EFHB: variants seen among roughly 807,000 people sequenced by gnomAD.
EFHB encodes the protein EF-hand domain family member B, also known as EF-hand domain-containing family member B.
In EFHB, 91 loss-of-function variants were observed where a neutral mutation model predicts 87.2. The ratio of observed to expected loss-of-function variants is 1.04; its 90% CI spans 0.88 to 1.24. The LOEUF (loss-of-function observed/expected upper bound fraction) is 1.24. EFHB is among the 50% of genes most tolerant of loss of function. EFHB has a pLI of 0.00. For synonymous variants in EFHB, 325 were observed against 333.6 expected, an observed-to-expected ratio of 0.97 and a Z score of 0.28; for missense variants, 1,084 against 998.8, an observed-to-expected ratio of 1.09 and a Z score of -1.15.
At chr3:19,905,244 G>A (rs1277252972) in intron 6 of EFHB, among the ~76,000 whole-genome samples, 1 of 152,058 alleles carries the variant, frequency 6.6e-6, no homozygotes. Flanking sequence ...AGAGCAAGAT[G>A]CTGTCTCAAT....
chr3:19,911,672 G>A (rs942144948), intron 5 of EFHB, among the ~76,000 whole-genome samples: 2 of 152,016 alleles, frequency 1.3e-5, no homozygotes, highest in African/African-American at 4.8e-5. Context: ...CTCAACAGCA[G>A]AATTGATCAA....
At chr3:19,940,892 G>C in intron 1 of EFHB, 1 of 348,784 alleles carries the variant, frequency 2.9e-6, no homozygotes, top group South Asian at 2.9e-5. Context: ...TGTCAGAGTA[G>C]GTAGTGAAGG....
In EFHB at chr3:19,895,480, CAA is replaced by C. The variant is rs746098754; in HGVS notation, c.1725+1205_1725+1206del. 4.6e-4 allele frequency among the ~76,000 whole-genome samples: 46 copies of C among 99,624 alleles called. No homozygotes were observed. In the South Asian group the frequency reaches 7.5e-3, roughly 16 times the overall value. 65.4% of individuals were successfully genotyped at this position (99,624 alleles called of 152,430 possible). On this transcript the variant is annotated intron_variant, in intron 9 of 12. Transcript: ENST00000295824. ...TGGGCGACAGAGCGAGACTCGGTCT[CAA>C]AAAAAAAAAAAAGGAATATGCCTGG...
chr3:19,923,904 A>G (rs1695524721), intron 1 of EFHB, among the ~76,000 whole-genome samples: 1 of 152,228 alleles, frequency 6.6e-6, no homozygotes, highest in African/African-American at 2.4e-5. Flanking sequence ...ATGATAATCT[A>G]AATAAAATTT....
At position 19,933,467 on chromosome 3, in the gene EFHB, T is replaced by G; in HGVS notation, c.552A>C (p.Thr184=). 1 of 1,614,018 alleles carries G rather than the reference T, an allele frequency of 6.2e-7. No homozygotes were observed. Among genetic ancestry groups the G allele is most frequent in the Non-Finnish European group, 8.5e-7 (1 of 1,179,890 alleles). ...CCACCTCCACAGGAAGCTTAATCTC[T>G]GTGTTGGGTTTCATTAAAACACAGG... is the stretch of plus-strand genomic sequence containing the variant. ...ESTCVLMKPN[T]EIKLPVEVDI... is the part of the protein sequence containing the mutation. The change falls in exon 1 of 13, where the codon ACA becomes ACC. Residue 184 remains threonine (T), a synonymous_variant. Coordinates refer to ENST00000295824, the MANE Select transcript of EFHB (RefSeq NM_144715.4).
At chr3:19,916,860 A>G (rs1695250614) in intron 4 of EFHB, among the ~76,000 whole-genome samples, 1 of 152,260 alleles carries the variant, frequency 6.6e-6, no homozygotes, top group Non-Finnish European at 1.5e-5. Flanking sequence ...TAAGAATACC[A>G]GAAGATGATT....
chr3:19,897,105 G>A (rs773403627), intron 8 of EFHB, among the ~76,000 whole-genome samples: 4 of 152,112 alleles, frequency 2.6e-5, no homozygotes, highest in Admixed American at 6.5e-5. Flanking sequence ...ATCACCAACC[G>A]CACTCAACTG....
At chr3:19,934,299 TTCTCTCTCTCTCTCTCAA>T (rs552889117), upstream of EFHB, 1,332 of 1,303,196 alleles carry the variant, frequency 1.0e-3, 13 homozygotes, top group Middle Eastern at 9.3e-3. Flanking sequence ...TCTCTCATTC[TTCTCTCTCTCTCTCTCAA>T]TCTCTCTCTC....
chr3:19,900,625 G>C (rs1363964287), intron 6 of EFHB, among the ~76,000 whole-genome samples: 1 of 152,088 alleles, frequency 6.6e-6, no homozygotes, highest in Non-Finnish European at 1.5e-5. Flanking sequence ...AATCCAGATA[G>C]CAATTAAAAA....
In EFHB at chr3:19,882,633, C is replaced by A. The variant is rs77682281; in HGVS notation, c.2245G>T (p.Ala749Ser). ...ATGGTAGGATATAGTAGTGAATATG[C>A]ACTACCTTCTTCACCATAATTAGTT... is the stretch of plus-strand genomic sequence containing the variant. ...DRTNYGEEGS[A>S]YSLLYPTIFA... The change falls in exon 12 of 13, where the codon GCA becomes TCA. Residue 749 changes from alanine (A) to serine (S), a missense_variant. Physicochemically the swap from Ala to Ser is moderately conservative, Grantham distance 99. Coordinates refer to ENST00000295824, the MANE Select transcript of EFHB (RefSeq NM_144715.4). The A allele has an allele frequency of 2.5e-6, 4 of 1,613,496 alleles. No individual in the cohort carries two copies. The highest frequency in any genetic ancestry group is 3.4e-6 in the Non-Finnish European group (4 of 1,179,648).
chr3:19,912,441 T>C (rs1295092626), intron 5 of EFHB, among the ~76,000 whole-genome samples: 1 of 151,986 alleles, frequency 6.6e-6, no homozygotes, highest in African/African-American at 2.4e-5. Flanking sequence ...AGACCTGTCC[T>C]ACAAGAAATG....
rs147619395 is a variant in EFHB at position 19,939,338 on chromosome 3, C to G, written c.-31-3004G>C. Among the ~76,000 whole-genome samples, 506 of 147,414 alleles carry G rather than the reference C, an allele frequency of 3.4e-3. 8 individuals are homozygous for G. In the East Asian group the frequency reaches 0.051, roughly 15 times the overall value. On this transcript the variant is annotated intron_variant, in intron 1 of 14. Coordinates refer to the EFHB transcript ENST00000344838. ...CCCAGGGATTACTTCTTCCCAGTAGCACGTCTTGCCACTCAAACTGGGTTG... is the reference window on the plus strand; with the variant it reads ...CCCAGGGATTACTTCTTCCCAGTAGGACGTCTTGCCACTCAAACTGGGTTG...
At chr3:19,931,433 G>A (rs1695828494) in intron 1 of EFHB, among the ~76,000 whole-genome samples, 1 of 152,184 alleles carries the variant, frequency 6.6e-6, no homozygotes, top group South Asian at 2.1e-4. Context: ...GTAAATTGCA[G>A]AACCAATCCA....
intron 1 of EFHB, among the ~76,000 whole-genome samples, chr3:19,921,718 G>C (rs1559468477): frequency 6.6e-6 from 1 of 152,146 alleles, no homozygotes. Context: ...GCTGTGTTCT[G>C]TGTTCTAACC....
chr3:19,945,009 C>T (rs947698197), intron 1 of EFHB, among the ~76,000 whole-genome samples: 5 of 152,072 alleles, frequency 3.3e-5, no homozygotes, highest in African/African-American at 1.2e-4. Context: ...CAGAGTAAGG[C>T]AAAGTATTGT....
At chr3:19,922,645 G>A (rs574643607) in intron 1 of EFHB, among the ~76,000 whole-genome samples, 1 of 152,238 alleles carries the variant, frequency 6.6e-6, no homozygotes, top group Admixed American at 6.5e-5. Flanking sequence ...AGGCAGTAGC[G>A]CATCATGAAT....
chr3:19,890,473 A>C (rs1473985829), intron 9 of EFHB, among the ~76,000 whole-genome samples: 1 of 152,208 alleles, frequency 6.6e-6, no homozygotes, highest in Non-Finnish European at 1.5e-5. Context: ...GAATTCAGTT[A>C]ATGGGGTTTG....
At chr3:19,934,299 T>TTC (rs770548531), upstream of EFHB, 140 of 1,302,656 alleles carry the variant, frequency 1.1e-4, no homozygotes, top group Middle Eastern at 2.9e-4. Context: ...TCTCTCATTC[T>TTC]TCTCTCTCTC....
chr3:19,894,353 T>C (rs1370174743), intron 9 of EFHB: 1 of 152,214 alleles, frequency 6.6e-6, no homozygotes, highest in Non-Finnish European at 1.5e-5. Flanking sequence ...TCTAGCACAC[T>C]ACTGCTACCC....
Sources: allele counts gnomAD v4.1 joint callset (sites outside exome capture counted in the v4.1 genomes callset), GRCh38; gene constraint gnomAD v4.1.1; transcripts MANE v1.5; gene names NCBI Gene and HGNC (gene_info 2026-07-23, HGNC 2026-07-21).